CLCN3: variants seen among roughly 807,000 people sequenced by gnomAD.
CLCN3 encodes the protein Cl-/H+ antiporter 3.
A neutral mutation model predicts 83.4 loss-of-function variants in CLCN3; 16 were observed. That is an observed-to-expected ratio of 0.19 (90% CI 0.13 to 0.29). The LOEUF is 0.29. Among genes scored for constraint, CLCN3 ranks in the 10% least tolerant of loss-of-function variants. CLCN3 has a pLI of 1.00. For missense variants in CLCN3, 544 were observed against 1,006.0 expected, an observed-to-expected ratio of 0.54 and a Z score of 6.21; for synonymous variants, 322 against 346.2, an observed-to-expected ratio of 0.93 and a Z score of 0.78.
chr4:169,631,453 A>T (rs1773367922), intron 1 of CLCN3, among the ~76,000 whole-genome samples: 1 of 151,244 alleles, frequency 6.6e-6, no homozygotes, highest in South Asian at 2.1e-4. Context: ...CGCCCGGCTA[A>T]TTTTTTTTGT....
At chr4:169,705,309 A>G (rs1353280578) in intron 10 of CLCN3, among the ~76,000 whole-genome samples, 1 of 152,204 alleles carries the variant, frequency 6.6e-6, no homozygotes, top group Non-Finnish European at 1.5e-5. Context: ...TATTTTGGGT[A>G]CTTTTGGGAA....
intron 2 of CLCN3, among the ~76,000 whole-genome samples, chr4:169,639,549 A>G (rs962077727): frequency 1.3e-5 from 2 of 152,224 alleles, no homozygotes; most frequent in African/African-American, 2.4e-5. Flanking sequence ...AATAGGGATA[A>G]TTATTATATA....
rs185379211 is a variant in CLCN3, at chr4:169,699,098, C to T, written c.1563+1364C>T. 7.9e-4 allele frequency among the ~76,000 whole-genome samples: 121 copies of T among 152,298 alleles called. 1 individual carries two copies. Among genetic ancestry groups the T allele is most frequent in the African/African-American group, 2.3e-3 (96 of 41,566 alleles). On this transcript the variant is annotated intron_variant, in intron 9 of 12. Coordinates refer to ENST00000513761, the MANE Select transcript of CLCN3 (RefSeq NM_001829.4). The stretch of plus-strand genomic sequence containing the variant: ...ACCTTGATTCCTCCTTGCCATGCAA[C>T]GTAATGTAATCACAGGTTCTGGGAA...
chr4:169,680,853 A>G (rs985420334), intron 3 of CLCN3: 4 of 151,892 alleles, frequency 2.6e-5, no homozygotes, highest in African/African-American at 9.7e-5. Flanking sequence ...TTTTGTATTT[A>G]TTTATTTATT....
Position 169,636,016 on chromosome 4 carries a change from G to C in CLCN3, c.88G>C (p.Asp30His), listed in dbSNP as rs1412011228. Reference protein sequence around the residue: ...TSASSDEELLDGAGVIMDFQT... With the variant: ...TSASSDEELLHGAGVIMDFQT... ...TGCAAGTAGTGATGAGGAACTTTTA[G>C]ATGGAGCAGGTGTTATTATGGACTT... is the stretch of plus-strand genomic sequence containing the variant. The change falls in exon 2 of 13, where the codon GAT becomes CAT. Residue 30 changes from aspartate to histidine, a missense_variant. Physicochemically the swap from Asp to His is moderately conservative, Grantham distance 81. This residue lies in a region of CLCN3 where 77 missense variants were observed against 92.8 expected (regional missense o/e 0.83). Coordinates refer to ENST00000513761, the MANE Select transcript of CLCN3 (RefSeq NM_001829.4). The C allele has an allele frequency of 1.2e-6, 2 of 1,613,458 alleles. No individual in the cohort carries two copies. Among genetic ancestry groups the C allele is most frequent in the Non-Finnish European group, 1.7e-6 (2 of 1,179,670 alleles).
At chr4:169,640,215 A>T (rs1355336171) in intron 2 of CLCN3, among the ~76,000 whole-genome samples, 1 of 152,186 alleles carries the variant, frequency 6.6e-6, no homozygotes, top group Non-Finnish European at 1.5e-5. Context: ...CAACGTAAGC[A>T]GTTTTCTTTT....
At chr4:169,629,354 T>C (rs1773310596) in intron 1 of CLCN3, among the ~76,000 whole-genome samples, 1 of 152,190 alleles carries the variant, frequency 6.6e-6, no homozygotes, top group Non-Finnish European at 1.5e-5. Flanking sequence ...TTAAAAAAAT[T>C]GAACATCTAC....
chr4:169,644,644 A>G (rs1730520895), intron 2 of CLCN3, among the ~76,000 whole-genome samples: 1 of 152,248 alleles, frequency 6.6e-6, no homozygotes, highest in Admixed American at 6.5e-5. Flanking sequence ...TGAAAGGCCA[A>G]TACAATGAAC....
At position 169,697,344 on chromosome 4, in the gene CLCN3, T is replaced by C. The variant is rs748783063; in HGVS notation, c.1173T>C (p.Phe391=). 1.2e-6 allele frequency: 2 copies of C among 1,614,184 alleles called. No individual in the cohort carries two copies. The highest frequency in any genetic ancestry group is 8.5e-7 in the Non-Finnish European group (1 of 1,180,034). ...CACCATGGTACCTTTTTGAACTGTT[T>C]CCTTTTATTCTTCTAGGGGTATTTG... ...YHTPWYLFEL[F]PFILLGVFGG... is the part of the protein sequence containing the mutation. The change falls in exon 9 of 13, where the codon TTT becomes TTC. Residue 391 remains phenylalanine, a synonymous_variant. Transcript: ENST00000513761.
intron 2 of CLCN3, among the ~76,000 whole-genome samples, chr4:169,642,269 G>A (rs1011213660): frequency 9.2e-5 from 14 of 151,870 alleles, no homozygotes; most frequent in Admixed American, 8.5e-4. Context: ...CTACAAATTT[G>A]CCTCTAAACT....
chr4:169,694,680 A>T (rs1380730467), intron 7 of CLCN3, among the ~76,000 whole-genome samples: 1 of 152,152 alleles, frequency 6.6e-6, no homozygotes, highest in Non-Finnish European at 1.5e-5. Flanking sequence ...CTCTACTAAA[A>T]ATACAAAAAT....
At chr4:169,641,745 G>A (rs1730418836) in intron 2 of CLCN3, among the ~76,000 whole-genome samples, 1 of 152,174 alleles carries the variant, frequency 6.6e-6, no homozygotes, top group Admixed American at 6.5e-5. Context: ...ACCTCCTAGA[G>A]TGAGGGTACA....
At chr4:169,656,097 C>T (rs11726813) in intron 2 of CLCN3, among the ~76,000 whole-genome samples, 13,770 of 150,376 alleles carry the variant, frequency 0.092, 657 homozygotes, top group African/African-American at 0.12. Context: ...CATTTTGATT[C>T]GGAGAATGAC....
At chr4:169,655,461 G>T (rs926717526) in intron 2 of CLCN3, among the ~76,000 whole-genome samples, 1 of 152,126 alleles carries the variant, frequency 6.6e-6, no homozygotes, top group African/African-American at 2.4e-5. Flanking sequence ...GCCGGTTTTG[G>T]TTCTGATTTT....
rs199598571 is a variant in CLCN3 at position 169,713,062 on chromosome 4, C to T, written c.2150-17C>T. ...TCTATCAGTTTAAAAGTGTTGGTCT[C>T]TTCTCTCTCTTTTCAGAAAGTGCCA... On this transcript the variant is annotated splice_polypyrimidine_tract_variant and intron_variant, in intron 11 of 12. Coordinates refer to ENST00000513761, the MANE Select transcript of CLCN3 (RefSeq NM_001829.4). 13 of 1,604,356 alleles carry T rather than the reference C, an allele frequency of 8.1e-6. No homozygotes were observed.
intron 2 of CLCN3, among the ~76,000 whole-genome samples, chr4:169,656,499 T>A (rs1309718067): frequency 6.6e-6 from 1 of 152,112 alleles, no homozygotes; most frequent in Non-Finnish European, 1.5e-5. Context: ...GTTACCTCCC[T>A]CCAGGCCCCG....
chr4:169,649,819 C>T (rs187890478), intron 2 of CLCN3, among the ~76,000 whole-genome samples: 119 of 152,276 alleles, frequency 7.8e-4, no homozygotes, highest in African/African-American at 2.8e-3. Context: ...CGCGGTGGCT[C>T]ATGCCTATAA....
intron 2 of CLCN3, 70 bp from the exon 3 acceptor site, chr4:169,679,965 ACTTAATAATGAATTT>A (rs1163317818): frequency 1.0e-5 from 11 of 1,051,564 alleles, no homozygotes; most frequent in Non-Finnish European, 1.6e-5. Context: ...TTTCTGTATG[ACTTAATAATGAATTT>A]CTAAGAAGGT....
At chr4:169,691,979 T>A in intron 6 of CLCN3, 135 bp from the exon 7 acceptor site, 1 of 582,228 alleles carries the variant, frequency 1.7e-6, no homozygotes, top group Non-Finnish European at 3.0e-6. Context: ...TTTCGAAAAA[T>A]TAACTGTAAA....
Sources: allele counts gnomAD v4.1 joint callset (sites outside exome capture counted in the v4.1 genomes callset), GRCh38; gene constraint gnomAD v4.1.1; regional missense constraint gnomAD v4.1.1; transcripts MANE v1.5; gene names NCBI Gene and HGNC (gene_info 2026-07-23, HGNC 2026-07-21).